Variants in CRMP1 observed in about 807,000 individuals in gnomAD.
CRMP1 encodes the protein collapsin response mediator protein 1.
In CRMP1, 19 loss-of-function variants were observed where a neutral mutation model predicts 68.3. The ratio of observed to expected loss-of-function variants is 0.28; its 90% CI spans 0.19 to 0.41. CRMP1 has a LOEUF of 0.41. Ranked by LOEUF, CRMP1 falls within the 10% of genes least tolerant of loss-of-function variation. The pLI, the probability that CRMP1 is intolerant of heterozygous loss-of-function variation, is 1.00. For synonymous variants in CRMP1, 439 were observed against 399.6 expected (o/e 1.10, Z -1.18); for missense variants, 791 against 967.4 (o/e 0.82, Z 2.42).
At chr4:5,882,583 T>C (rs1348841346) in intron 1 of CRMP1, among the ~76,000 whole-genome samples, 1 of 152,202 alleles carries the variant, frequency 6.6e-6, no homozygotes, top group Non-Finnish European at 1.5e-5. Flanking sequence ...TTAGGAAATA[T>C]CATTCTGATT....
rs112977048 is a variant in CRMP1 at position 5,825,741 on chromosome 4, C to T, written c.1804-82G>A. 5,033 of 1,463,838 alleles carry T rather than the reference C, an allele frequency of 3.4e-3. 140 individuals are homozygous for T. The African/African-American group carries it at 0.064, about 19-fold the overall frequency. The allele number at this position is 1,463,838 out of a possible 1,614,324, so 90.7% of individuals were successfully genotyped here. On this transcript the variant is annotated intron_variant, in intron 12 of 13. Transcript: ENST00000324989. The surrounding 1 kb of genome is among the most constrained non-coding windows in gnomAD (Gnocchi z 4.4). Reference sequence around the variant, plus strand: ...GGCAGATAAAGCAGAGCCCTGCGGGCGAGAGAGAAACCTGAGGTCACTTCA... The same window carrying T: ...GGCAGATAAAGCAGAGCCCTGCGGGTGAGAGAGAAACCTGAGGTCACTTCA...
chr4:5,871,459 G>C (rs1274223378), intron 1 of CRMP1, among the ~76,000 whole-genome samples: 6 of 152,098 alleles, frequency 3.9e-5, no homozygotes, highest in Admixed American at 2.0e-4. Context: ...AGGAGATCAA[G>C]ACCATCCTGG....
At chr4:5,827,118 C>G (rs879659461) in intron 12 of CRMP1, among the ~76,000 whole-genome samples, 1 of 152,190 alleles carries the variant, frequency 6.6e-6, no homozygotes, top group African/African-American at 2.4e-5. Flanking sequence ...GCAATGGGAC[C>G]CCCCGATCCT....
At position 5,843,068 on chromosome 4, in the gene CRMP1, C is replaced by T; in HGVS notation, c.1032+25G>A. 5 of 1,611,898 alleles carry T rather than the reference C, an allele frequency of 3.1e-6. No homozygotes were observed. The highest frequency in any genetic ancestry group is 4.2e-6 in the Non-Finnish European group (5 of 1,178,460). ...AGTGCTCAGTGGTGAGTGTCAGAGT[C>T]ATGCCCAAGTTGAGGAGTCCTTACC... On this transcript the variant is annotated intron_variant, in intron 7 of 13. Coordinates refer to ENST00000324989, the MANE Select transcript of CRMP1 (RefSeq NM_001014809.3). The surrounding 1 kb of genome is among the most constrained non-coding windows in gnomAD (Gnocchi z 4.1).
chr4:5,835,568 A>G (rs1720674819), intron 11 of CRMP1, among the ~76,000 whole-genome samples: 1 of 152,214 alleles, frequency 6.6e-6, no homozygotes, highest in South Asian at 2.1e-4. Context: ...TGATAATTAA[A>G]TTGAGAACCT....
At position 5,825,970 on chromosome 4, in the gene CRMP1, A is replaced by C; in HGVS notation, c.1804-311T>G. The C allele has an allele frequency of 2.4e-6, 1 of 408,830 alleles. No homozygotes were observed. Among genetic ancestry groups the C allele is most frequent in the Non-Finnish European group, 4.4e-6 (1 of 227,268 alleles). 25.3% of individuals were successfully genotyped at this position (408,830 alleles called of 1,614,324 possible). On this transcript the variant is annotated intron_variant, in intron 12 of 13. Coordinates refer to ENST00000324989, the MANE Select transcript of CRMP1 (RefSeq NM_001014809.3). This position sits in a 1 kb window ranked among gnomAD's most constrained non-coding sequence, Gnocchi z 4.4. ...CACATATATGCATGCACATGCAGTA[A>C]CAAAACAGGCCTACACAGTAGCATA...
Position 5,888,611 on chromosome 4 carries a change from C to T in CRMP1, c.381+3978G>A. ...CTCGAACCAGGAAGCGCTTCCCTTC[C>T]GATCTCCCACCCCGCCCCCCGCCCC... On this transcript the variant is annotated intron_variant, in intron 1 of 13. Coordinates refer to ENST00000324989, the MANE Select transcript of CRMP1 (RefSeq NM_001014809.3). This position sits in a 1 kb window ranked among gnomAD's most constrained non-coding sequence, Gnocchi z 6.4. The T allele has an allele frequency of 9.8e-7, 1 of 1,022,292 alleles. No homozygotes were observed. The highest frequency in any genetic ancestry group is 1.2e-6 in the Non-Finnish European group (1 of 854,294). The allele number at this position is 1,022,292 out of a possible 1,614,324, so 63.3% of individuals were successfully genotyped here.
intron 6 of CRMP1, among the ~76,000 whole-genome samples, chr4:5,848,383 G>A (rs185511372): frequency 1.6e-3 from 241 of 152,228 alleles, no homozygotes; most frequent in African/African-American, 5.4e-3. Context: ...AGTAGAGATG[G>A]GGTTTTGCCA....
In CRMP1 at chr4:5,870,508, CG is replaced by C. The variant is rs1306188766; in HGVS notation, c.382-3753del. ...TAGACCGTGAGCTCCACGGAGGCAA[CG>C]GACTTTGTCCGTTTTCTTCACTGCT... On this transcript the variant is annotated intron_variant, in intron 1 of 13. Transcript: ENST00000324989. This position sits in a 1 kb window ranked among gnomAD's most constrained non-coding sequence, Gnocchi z 6.0. Among the ~76,000 whole-genome samples, 1 of 152,220 alleles carries C rather than the reference CG, an allele frequency of 6.6e-6. No individual in the cohort carries two copies. The highest frequency in any genetic ancestry group is 1.5e-5 in the Non-Finnish European group (1 of 68,044).
intron 13 of CRMP1, among the ~76,000 whole-genome samples, chr4:5,822,877 G>A (rs1350002462): frequency 6.6e-6 from 1 of 152,204 alleles, no homozygotes; most frequent in African/African-American, 2.4e-5. Flanking sequence ...TATCAGTACT[G>A]CACAAAGCCC....
rs1714936772 is a variant in CRMP1, at chr4:5,877,705, C to A, written c.382-10949G>T. ...TTCCCCCTTTCATGAATGGGAGATA[C>A]AGGTAGTCCCCATGGACTGCAGGAC... On this transcript the variant is annotated intron_variant, in intron 1 of 13. Transcript: ENST00000324989. This position sits in a 1 kb window ranked among gnomAD's most constrained non-coding sequence, Gnocchi z 4.3. 6.6e-6 allele frequency among the ~76,000 whole-genome samples: 1 copy of A among 152,210 alleles called. No individual in the cohort carries two copies. Among genetic ancestry groups the A allele is most frequent in the South Asian group, 2.1e-4 (1 of 4,826 alleles).
chr4:5,875,692 T>C (rs895548820), intron 1 of CRMP1, among the ~76,000 whole-genome samples: 3 of 151,614 alleles, frequency 2.0e-5, no homozygotes, highest in African/African-American at 7.3e-5. Flanking sequence ...CCAGGTACTG[T>C]GGGTAGGTGA....
rs1195793984 is a variant in CRMP1, at chr4:5,872,797, G to A, written c.382-6041C>T. On this transcript the variant is annotated intron_variant, in intron 1 of 13. Coordinates refer to ENST00000324989, the MANE Select transcript of CRMP1 (RefSeq NM_001014809.3). The surrounding 1 kb of genome is among the most constrained non-coding windows in gnomAD (Gnocchi z 4.6). ...CTAGGGCATGTCAGAGATACAGTTC[G>A]TTCCACAGCGACAGCAATGACCTTT... Among the ~76,000 whole-genome samples the A allele has an allele frequency of 1.3e-5, 2 of 152,172 alleles. No homozygotes were observed. The highest frequency in any genetic ancestry group is 1.9e-4 in the East Asian group (1 of 5,200).
Position 5,891,201 on chromosome 4 carries a change from C to CACACACACACACACACACACAT in CRMP1, c.381+1387_381+1388insATGTGTGTGTGTGTGTGTGTGT, listed in dbSNP as rs1715932439. ...ACACACACACACACACACACACACA[C>CACACACACACACACACACACAT]ACACACACACACCCTTGCTGTTGGA... On this transcript the variant is annotated intron_variant, in intron 1 of 13. Transcript: ENST00000324989. The surrounding 1 kb of genome is among the most constrained non-coding windows in gnomAD (Gnocchi z 5.2). Among the ~76,000 whole-genome samples, 1 of 151,484 alleles carries CACACACACACACACACACACAT rather than the reference C, an allele frequency of 6.6e-6. No individual in the cohort carries two copies. The highest frequency in any genetic ancestry group is 6.6e-5 in the Admixed American group (1 of 15,234).
intron 6 of CRMP1, among the ~76,000 whole-genome samples, chr4:5,846,061 C>T (rs1712173773): frequency 6.6e-6 from 1 of 152,010 alleles, no homozygotes; most frequent in South Asian, 2.1e-4. Flanking sequence ...TGTGGGAGGC[C>T]GAGGCGGGCA....
rs919103671 is a variant in CRMP1, at chr4:5,834,911, C to A, written c.1623+1004G>T. ...AAGGTCAGTGAGCAGCTACCGAGAC[C>A]TCTGCTTCTGCAGGCCATGTCTGTG... On this transcript the variant is annotated intron_variant, in intron 11 of 13. Coordinates refer to ENST00000324989, the MANE Select transcript of CRMP1 (RefSeq NM_001014809.3). This position sits in a 1 kb window ranked among gnomAD's most constrained non-coding sequence, Gnocchi z 4.3. 1.1e-4 allele frequency among the ~76,000 whole-genome samples: 17 copies of A among 152,300 alleles called. No homozygotes were observed. Among genetic ancestry groups the A allele is most frequent in the African/African-American group, 3.1e-4 (13 of 41,572 alleles).
intron 10 of CRMP1, among the ~76,000 whole-genome samples, chr4:5,836,295 G>C (rs191007448): frequency 7.0e-4 from 107 of 152,260 alleles, no homozygotes; most frequent in African/African-American, 2.4e-3. Context: ...GTATGTTGAC[G>C]CAAGAGCCAC....
intron 12 of CRMP1, among the ~76,000 whole-genome samples, chr4:5,827,750 C>CAT (rs1325152242): frequency 6.6e-6 from 1 of 151,974 alleles, no homozygotes; most frequent in Non-Finnish European, 1.5e-5. Context: ...CACACACACA[C>CAT]ACACGAAGCT....
rs767394840 is a variant in CRMP1, at chr4:5,825,555, C to T, written c.1908G>A (p.Ser636=). The T allele has an allele frequency of 2.5e-6, 4 of 1,595,702 alleles. No homozygotes were observed. The highest frequency in any genetic ancestry group is 1.1e-5 in the South Asian group (1 of 88,132). The change falls in exon 13 of 14, where the codon TCG becomes TCA. Residue 636 remains serine, a synonymous_variant. Transcript: ENST00000324989. The surrounding 1 kb of genome is among the most constrained non-coding windows in gnomAD (Gnocchi z 4.4). Reference sequence around the variant, plus strand: ...TGGGTGGGGGCTGGTGTTTAGAAGGCGAAGATTTGGCTGAAGGAGCGGGAG... The same window carrying T: ...TGGGTGGGGGCTGGTGTTTAGAAGGTGAAGATTTGGCTGAAGGAGCGGGAG... The part of the protein sequence containing the change: ...YATPAPSAKS[S]PSKHQPPPIR...
Sources: gnomAD v4.1 joint callset for allele counts (sites outside exome capture counted in the v4.1 genomes callset) on GRCh38, gnomAD v4.1.1 for gene constraint, Gnocchi (gnomAD v3.1) non-coding constraint, MANE v1.5 for transcripts, NCBI Gene and HGNC (gene_info 2026-07-23, HGNC 2026-07-21) for gene names.